COL4A2: variants seen among roughly 807,000 people sequenced by gnomAD.
The protein encoded by COL4A2 is collagen type IV alpha 2 chain.
Under a neutral mutation model 200.2 loss-of-function variants are expected in COL4A2, and 99 were observed. The observed-to-expected ratio is 0.49, with a 90% confidence interval of 0.42 to 0.58. The LOEUF is 0.58. Among genes scored for constraint, COL4A2 ranks in the 20% least tolerant of loss-of-function variants. COL4A2 has a pLI of 0.00. For synonymous variants in COL4A2, 897 were observed against 900.6 expected, an observed-to-expected ratio of 1.00 and a Z score of 0.07; for missense variants, 1,950 against 2,314.1, an observed-to-expected ratio of 0.84 and a Z score of 3.23.
At chr13:110,423,366 C>T (rs1057286422) in intron 4 of COL4A2, among the ~76,000 whole-genome samples, 10 of 151,974 alleles carry the variant, frequency 6.6e-5, no homozygotes, top group East Asian at 1.9e-4. Flanking sequence ...CATATGTCCT[C>T]GCTTATGAGT....
At chr13:110,472,785 G>A (rs750172444) in intron 28 of COL4A2, 144 bp from the exon 29 acceptor site, 41 of 679,296 alleles carry the variant, frequency 6.0e-5, no homozygotes, top group East Asian at 2.5e-4. Flanking sequence ...CAAAAAGGGC[G>A]ACAGGGACAA....
intron 3 of COL4A2, among the ~76,000 whole-genome samples, chr13:110,352,939 G>A (rs1265701305): frequency 6.6e-6 from 1 of 152,208 alleles, no homozygotes; most frequent in African/African-American, 2.4e-5. Context: ...CACACCTGCA[G>A]TAGGAGCTGC....
intron 4 of COL4A2, among the ~76,000 whole-genome samples, chr13:110,385,034 G>C (rs555811310): frequency 6.6e-6 from 1 of 152,340 alleles, no homozygotes; most frequent in East Asian, 1.9e-4. Context: ...GGAGGCTGAG[G>C]CAGGCGGATC....
At chr13:110,449,851 C>A in intron 19 of COL4A2, 62 bp downstream of exon 19, 1 of 1,484,298 alleles carries the variant, frequency 6.7e-7, no homozygotes, top group Non-Finnish European at 9.0e-7. Flanking sequence ...GGTCCTAGCA[C>A]ACACAAGGGA....
intron 4 of COL4A2, among the ~76,000 whole-genome samples, chr13:110,384,443 G>A (rs146819693): frequency 2.6e-5 from 4 of 152,288 alleles, no homozygotes; most frequent in East Asian, 1.9e-4. Context: ...TAATTTCAAC[G>A]CTTCAGTGGG....
chr13:110,494,917 G>A (rs555200250), intron 39 of COL4A2, among the ~76,000 whole-genome samples: 5 of 152,310 alleles, frequency 3.3e-5, no homozygotes, highest in African/African-American at 4.8e-5. Flanking sequence ...GGAAATCCTC[G>A]TCAAGTTGTC....
intron 20 of COL4A2, among the ~76,000 whole-genome samples, chr13:110,452,756 T>TTTTTA (rs10643752): frequency 0.18 from 27,262 of 151,284 alleles, 2,688 homozygotes; most frequent in East Asian, 0.35. Flanking sequence ...GAACTTTATT[T>TTTTTA]TTTTATTTTA....
At chr13:110,486,529 C>A (rs1040734585) in intron 34 of COL4A2, among the ~76,000 whole-genome samples, 1 of 152,196 alleles carries the variant, frequency 6.6e-6, no homozygotes, top group Non-Finnish European at 1.5e-5. Context: ...CCCTAGCACA[C>A]GGCTGGCCTT....
At chr13:110,477,935 A>T in intron 29 of COL4A2, 68 bp from the exon 30 acceptor site, 1 of 1,333,814 alleles carries the variant, frequency 7.5e-7, no homozygotes, top group Non-Finnish European at 9.8e-7. Context: ...GAGTGTGTGG[A>T]GGGAGATGCT....
At chr13:110,392,289 C>T (rs1367244827) in intron 4 of COL4A2, among the ~76,000 whole-genome samples, 1 of 152,126 alleles carries the variant, frequency 6.6e-6, no homozygotes, top group Non-Finnish European at 1.5e-5. Flanking sequence ...CATTCACGTT[C>T]CAAAGCAATT....
Position 110,507,922 on chromosome 13 carries a change from C to T in COL4A2, c.4595-13C>T. ...CACACTGCACTGTGATCTCATGACC[C>T]CTCCTTCCACAGGGCTGGCGGGCTC... On this transcript the variant is annotated splice_polypyrimidine_tract_variant and intron_variant, in intron 46 of 47. Transcript: ENST00000360467. The T allele has an allele frequency of 6.2e-7, 1 of 1,612,002 alleles. No homozygotes were observed. Among genetic ancestry groups the T allele is most frequent in the Non-Finnish European group, 8.5e-7 (1 of 1,178,700 alleles).
intron 29 of COL4A2, among the ~76,000 whole-genome samples, chr13:110,474,971 C>T (rs893232855): frequency 2.1e-5 from 3 of 144,294 alleles, no homozygotes; most frequent in Non-Finnish European, 4.7e-5. Context: ...CACGTACATA[C>T]CCACACACGT....
chr13:110,498,841 C>T (rs1405087925), intron 40 of COL4A2, among the ~76,000 whole-genome samples: 1 of 152,212 alleles, frequency 6.6e-6, no homozygotes, highest in Non-Finnish European at 1.5e-5. Context: ...CTCCTGTGGC[C>T]CTCCTTGCAT....
chr13:110,307,545 A>G lies in COL4A2; in HGVS notation c.-45+17A>G. The G allele has an allele frequency of 3.2e-6, 1 of 309,780 alleles. No individual in the cohort carries two copies. Among genetic ancestry groups the G allele is most frequent in the Non-Finnish European group, 5.9e-6 (1 of 169,444 alleles). 19.2% of individuals were successfully genotyped at this position (309,780 alleles called of 1,614,324 possible). Reference sequence around the variant, plus strand: ...GAGCCCGAGGTGAGAGCGACCCCCGAGCGGCGCCCAGACCCTGGCCCGAGA... The same window carrying G: ...GAGCCCGAGGTGAGAGCGACCCCCGGGCGGCGCCCAGACCCTGGCCCGAGA... On this transcript the variant is annotated intron_variant, in intron 1 of 47. Transcript: ENST00000360467. This position sits in a 1 kb window ranked among gnomAD's most constrained non-coding sequence, Gnocchi z 5.0.
intron 16 of COL4A2, among the ~76,000 whole-genome samples, chr13:110,445,439 A>G (rs1406607684): frequency 6.6e-6 from 1 of 152,232 alleles, no homozygotes; most frequent in African/African-American, 2.4e-5. Context: ...ACGTGGGGTT[A>G]GAAGAACAGA....
chr13:110,512,420 GC>G lies in COL4A2; in HGVS notation c.*234del, dbSNP rs201422015. On this transcript the variant is annotated 3_prime_UTR_variant, in exon 48 of 48. Transcript: ENST00000360467. ...CCACAGAAAGCCAGGAGCAGCCCTG[GC>G]CCCCATCAGCCCTGCTAGACGCACC... is the stretch of plus-strand genomic sequence containing the variant. 1,803 of 674,468 alleles carry G rather than the reference GC, an allele frequency of 2.7e-3. 24 individuals carry two copies. The African/African-American group carries it at 0.029, about 11-fold the overall frequency. 41.8% of individuals were successfully genotyped at this position (674,468 alleles called of 1,614,324 possible).
chr13:110,452,835 T>C (rs1181707555), intron 20 of COL4A2, among the ~76,000 whole-genome samples: 1 of 152,178 alleles, frequency 6.6e-6, no homozygotes, highest in Non-Finnish European at 1.5e-5. Context: ...TGATCTCTGC[T>C]CACTGCAACC....
At chr13:110,347,497 C>G (rs1302674711) in intron 3 of COL4A2, among the ~76,000 whole-genome samples, 1 of 152,216 alleles carries the variant, frequency 6.6e-6, no homozygotes, top group African/African-American at 2.4e-5. Context: ...CAGTTGGCCC[C>G]TCACACCTGC....
At chr13:110,374,746 C>T (rs1409905450) in intron 4 of COL4A2, among the ~76,000 whole-genome samples, 1 of 152,208 alleles carries the variant, frequency 6.6e-6, no homozygotes, top group Non-Finnish European at 1.5e-5. Context: ...CCTCTCCTCC[C>T]ACTCTCCTGC....
Sources: allele counts gnomAD v4.1 joint callset (sites outside exome capture counted in the v4.1 genomes callset), GRCh38; gene constraint gnomAD v4.1.1; non-coding constraint Gnocchi (gnomAD v3.1); transcripts MANE v1.5; gene names NCBI Gene and HGNC (gene_info 2026-07-23, HGNC 2026-07-21).